The following CNTLN variants were observed in gnomAD, a reference collection of about 807,000 sequenced individuals.
CNTLN encodes the protein centlein, centrosomal protein.
A neutral mutation model predicts 180.0 loss-of-function variants in CNTLN; 212 were observed. That is an observed-to-expected ratio of 1.18 (90% CI 1.05 to 1.32). The LOEUF is 1.32. CNTLN is among the 40% of genes most tolerant of loss of function. CNTLN has a pLI of 0.00. For synonymous variants in CNTLN, 722 were observed against 563.1 expected (o/e 1.28, Z -3.99); for missense variants, 2,095 against 1,610.9 (o/e 1.30, Z -5.14).
intron 6 of CNTLN, among the ~76,000 whole-genome samples, chr9:17,297,639 T>C (rs980846331): frequency 3.3e-5 from 5 of 152,222 alleles, no homozygotes; most frequent in Non-Finnish European, 5.9e-5. Context: ...CTGACTCTTT[T>C]ACCTCATCAG....
intron 23 of CNTLN, among the ~76,000 whole-genome samples, chr9:17,468,120 C>G (rs936303064): frequency 6.6e-6 from 1 of 151,532 alleles, no homozygotes; most frequent in Non-Finnish European, 1.5e-5. Flanking sequence ...GGCCATTATC[C>G]TAAGTGAACT....
chr9:17,484,201 A>C, intron 23 of CNTLN, 94 bp from the exon 24 acceptor site: 3 of 984,684 alleles, frequency 3.0e-6, no homozygotes, highest in Non-Finnish European at 4.5e-6. Context: ...TAGTAAAAAA[A>C]TGATTTGTTA....
rs1310148900 is a variant in CNTLN, at chr9:17,394,790, C to T, written c.2336C>T (p.Ala779Val). ...TEVTSLRRQV[A>V]EANALRNENE... Reference sequence around the variant, plus strand: ...GTCACTTCCCTGAGGAGACAAGTGGCAGAAGCTAATGCATTGAGAAATGAA... The same window carrying T: ...GTCACTTCCCTGAGGAGACAAGTGGTAGAAGCTAATGCATTGAGAAATGAA... Residue 779 changes from alanine to valine, a missense_variant, in exon 15 of 26, where the codon GCA (alanine) becomes GTA (valine). Physicochemically the swap from Ala to Val is moderately conservative, Grantham distance 64 (BLOSUM62 0). Coordinates refer to ENST00000380647, the MANE Select transcript of CNTLN (RefSeq NM_017738.4). The T allele has an allele frequency of 1.2e-6, 2 of 1,613,914 alleles. No homozygotes were observed. The highest frequency in any genetic ancestry group is 1.7e-6 in the Non-Finnish European group (2 of 1,179,974).
intron 16 of CNTLN, among the ~76,000 whole-genome samples, chr9:17,410,847 A>G (rs569816109): frequency 1.1e-4 from 16 of 152,206 alleles, no homozygotes; most frequent in African/African-American, 3.4e-4. Context: ...ACATAGGGAT[A>G]TTTCTCTAGG....
chr9:17,430,839 A>C lies in CNTLN; in HGVS notation c.3114+14650A>C, dbSNP rs189949435. ...GTGCCTGGCTTATTTTATTTATCAT[A>C]ATGTCCCTCAGTTACTCCCATCTTA... On this transcript the variant is annotated intron_variant, in intron 18 of 25. Transcript: ENST00000380647. Among the ~76,000 whole-genome samples, 419 of 152,208 alleles carry C rather than the reference A, an allele frequency of 2.8e-3. 1 individual carries two copies. The highest frequency in any genetic ancestry group is 4.5e-3 in the Non-Finnish European group (303 of 67,982).
chr9:17,527,818 G>A, the CNTLN span, among the ~76,000 whole-genome samples: 1 of 152,014 alleles, frequency 6.6e-6, no homozygotes, highest in Admixed American at 6.6e-5. Flanking sequence ...GTGCCAGAAG[G>A]TAAGACAGTG....
intron 8 of CNTLN, among the ~76,000 whole-genome samples, chr9:17,317,327 T>G (rs925959296): frequency 2.0e-5 from 3 of 152,170 alleles, no homozygotes; most frequent in Admixed American, 2.0e-4. Context: ...GGTAAATAGA[T>G]AAATAGAAAA....
At chr9:17,327,388 G>A (rs1312031597) in intron 8 of CNTLN, among the ~76,000 whole-genome samples, 1 of 151,200 alleles carries the variant, frequency 6.6e-6, no homozygotes, top group Non-Finnish European at 1.5e-5. Context: ...GTTTCACCGT[G>A]TTAGCCAGGA....
At chr9:17,263,540 T>C (rs1445346709) in intron 5 of CNTLN, among the ~76,000 whole-genome samples, 1 of 151,616 alleles carries the variant, frequency 6.6e-6, no homozygotes, top group Admixed American at 6.6e-5. Context: ...TGATTTATAA[T>C]CCTTTGGGTG....
chr9:17,330,736 G>C lies in CNTLN; in HGVS notation c.1446G>C (p.Leu482=), dbSNP rs369422192. Residue 482 remains leucine (L), a synonymous_variant, in exon 9 of 26, where the codon CTG becomes CTC. Coordinates refer to ENST00000380647, the MANE Select transcript of CNTLN (RefSeq NM_017738.4). ...AACTAAAGATAGCAAATGAAAAACTGTCAGAAAACATATCTGCCAACAAGG... is the reference window on the plus strand; with the variant it reads ...AACTAAAGATAGCAAATGAAAAACTCTCAGAAAACATATCTGCCAACAAGG... ...QEKLKIANEK[L]SENISANKGF... 1.1e-5 allele frequency: 17 copies of C among 1,612,074 alleles called. No individual in the cohort carries two copies. Among genetic ancestry groups the C allele is most frequent in the Non-Finnish European group, 1.4e-5 (16 of 1,178,846 alleles).
At chr9:17,396,194 A>G (rs1237770841) in intron 15 of CNTLN, among the ~76,000 whole-genome samples, 2 of 152,224 alleles carry the variant, frequency 1.3e-5, no homozygotes, top group Non-Finnish European at 2.9e-5. Context: ...AAAATGGGCA[A>G]CCAGCACCCC....
At chr9:17,505,389 C>T (rs1431129005), downstream of CNTLN, among the ~76,000 whole-genome samples, 1 of 151,970 alleles carries the variant, frequency 6.6e-6, no homozygotes, top group Non-Finnish European at 1.5e-5. Context: ...AAAATAACCA[C>T]TCAAAACAAA....
chr9:17,430,200 C>G (rs1437794392), intron 18 of CNTLN, among the ~76,000 whole-genome samples: 1 of 151,834 alleles, frequency 6.6e-6, no homozygotes, highest in Non-Finnish European at 1.5e-5. Flanking sequence ...TTATACATCT[C>G]CTAAAATTCT....
intron 2 of CNTLN, 126 bp from the exon 3 acceptor site, chr9:17,226,077 G>A: frequency 2.1e-6 from 1 of 471,778 alleles, no homozygotes; most frequent in Non-Finnish European, 3.8e-6. Context: ...GCTGTCACTT[G>A]CCATGTGGTC....
chr9:17,329,484 G>T (rs1820505375), intron 8 of CNTLN, among the ~76,000 whole-genome samples: 1 of 151,990 alleles, frequency 6.6e-6, no homozygotes. Context: ...TGTAAGTATG[G>T]TAACAGTACA....
the CNTLN span, among the ~76,000 whole-genome samples, chr9:17,509,154 G>A: frequency 1.3e-5 from 2 of 152,328 alleles, no homozygotes; most frequent in South Asian, 4.1e-4. Flanking sequence ...CTCAGAAGCA[G>A]GAATTTTCAC....
At chr9:17,273,441 A>G (rs1367244310) in intron 5 of CNTLN, among the ~76,000 whole-genome samples, 1 of 118,692 alleles carries the variant, frequency 8.4e-6, no homozygotes, top group African/African-American at 3.9e-5. Context: ...CAGCTAATGT[A>G]TTACTTTATT....
chr9:17,406,186 C>T (rs1827375950), intron 15 of CNTLN, among the ~76,000 whole-genome samples: 1 of 151,814 alleles, frequency 6.6e-6, no homozygotes, highest in Non-Finnish European at 1.5e-5. Context: ...GTCTTTCTGT[C>T]AGTCATTACA....
At chr9:17,435,071 G>GTAT (rs1829681209) in intron 18 of CNTLN, among the ~76,000 whole-genome samples, 1 of 152,176 alleles carries the variant, frequency 6.6e-6, no homozygotes. Context: ...AATGTATTCT[G>GTAT]TATTGCAAGA....
Sources: gnomAD v4.1 joint callset for allele counts (sites outside exome capture counted in the v4.1 genomes callset) on GRCh38, gnomAD v4.1.1 for gene constraint, MANE v1.5 for transcripts, NCBI Gene and HGNC (gene_info 2026-07-23, HGNC 2026-07-21) for gene names.